The following ADAMTS2 variants were observed in gnomAD, a reference collection of about 807,000 sequenced individuals.
ADAMTS2 encodes A disintegrin and metalloproteinase with thrombospondin motifs 2.
A neutral mutation model predicts 123.0 loss-of-function variants in ADAMTS2; 50 were observed. The observed-to-expected ratio is 0.41, with a 90% CI of 0.32 to 0.51. ADAMTS2 has a LOEUF of 0.51. ADAMTS2 is among the 20% of genes least tolerant of loss of function. The probability of loss-of-function intolerance (pLI) is 0.35; values close to 1 mark genes in which losing one functional copy is unlikely to be tolerated. For synonymous variants in ADAMTS2, 678 were observed against 695.4 expected (o/e 0.98, Z 0.39); for missense variants, 1,494 against 1,705.2 (o/e 0.88, Z 2.18).
intron 6 of ADAMTS2, among the ~76,000 whole-genome samples, chr5:179,157,825 G>T (rs114046978): frequency 5.3e-5 from 8 of 152,218 alleles, no homozygotes; most frequent in Admixed American, 2.0e-4. Flanking sequence ...ATTTGTAGGC[G>T]TTCTTCACAT....
chr5:179,331,610 G>A (rs566155226), intron 2 of ADAMTS2, among the ~76,000 whole-genome samples: 101 of 128,146 alleles, frequency 7.9e-4, no homozygotes, highest in African/African-American at 2.8e-3. Flanking sequence ...GGGAGAGGAG[G>A]GGGAAGGGAG....
At chr5:179,166,761 T>G (rs766892705) in intron 5 of ADAMTS2, among the ~76,000 whole-genome samples, 2 of 152,162 alleles carry the variant, frequency 1.3e-5, no homozygotes, top group African/African-American at 4.8e-5. Flanking sequence ...TCTGAGTCAC[T>G]AAAGCCTAAG....
rs561373018 is a variant in ADAMTS2, at chr5:179,168,886, G to A, written c.976-10007C>T. Among the ~76,000 whole-genome samples the A allele has an allele frequency of 7.2e-5, 11 of 152,314 alleles. No homozygotes were observed. The South Asian group carries it at 2.1e-3, about 29-fold the overall frequency. Reference sequence around the variant, plus strand: ...AGAACCACGAGAGCTGGGGCAGGAGGCGTGCACCTCATTTCTCTGCCAGAA... The same window carrying A: ...AGAACCACGAGAGCTGGGGCAGGAGACGTGCACCTCATTTCTCTGCCAGAA... On this transcript the variant is annotated intron_variant, in intron 5 of 21. Transcript: ENST00000251582.
chr5:179,132,136 C>G lies in ADAMTS2; in HGVS notation c.2290+94G>C, dbSNP rs1762974310. On this transcript the variant is annotated intron_variant, in intron 15 of 21. Transcript: ENST00000251582. This position sits in a 1 kb window ranked among gnomAD's most constrained non-coding sequence, Gnocchi z 6.1. ...CTGGCTCAGGTCATGGCTGCACAACCCGGGCCCCTGACCCCTGACCCCTGG... is the reference window on the plus strand; with the variant it reads ...CTGGCTCAGGTCATGGCTGCACAACGCGGGCCCCTGACCCCTGACCCCTGG... 1 of 1,272,180 alleles carries G rather than the reference C, an allele frequency of 7.9e-7. No individual in the cohort carries two copies. Among genetic ancestry groups the G allele is most frequent in the Admixed American group, 1.9e-5 (1 of 53,560 alleles). 78.8% of individuals were successfully genotyped at this position (1,272,180 alleles called of 1,614,324 possible).
At chr5:179,184,509 T>TCAAAAAAAAAAAAAAAAAA (rs1290290563) in intron 4 of ADAMTS2, among the ~76,000 whole-genome samples, 3 of 91,412 alleles carry the variant, frequency 3.3e-5, no homozygotes, top group Admixed American at 1.3e-4. Flanking sequence ...AGACTCTGTC[T>TCAAAAAAAAAAAAAAAAAA]AAAAAAAAAA....
chr5:179,122,040 C>T (rs1414148037), intron 20 of ADAMTS2, among the ~76,000 whole-genome samples: 1 of 152,140 alleles, frequency 6.6e-6, no homozygotes, highest in Non-Finnish European at 1.5e-5. Context: ...GCACCCTGCC[C>T]GCGCCCCGGG....
In ADAMTS2 at chr5:179,207,687, GAGGCTGTCC is replaced by G. The variant is rs778523767; in HGVS notation, c.708_716del (p.Asp237_Leu239del). On this transcript the variant is annotated inframe_deletion, in exon 4 of 22. Coordinates refer to ENST00000251582, the MANE Select transcript of ADAMTS2 (RefSeq NM_014244.5). Reference sequence around the variant, plus strand: ...CCTCTAGGACGCCCAGGGCGCGGCTGAGGCTGTCCAGGCTGTCCAGGGAGGCCCCTGCAA... The same window carrying G: ...CCTCTAGGACGCCCAGGGCGCGGCTGAGGCTGTCCAGGGAGGCCCCTGCAA... 39 of 1,612,544 alleles carry G rather than the reference GAGGCTGTCC, an allele frequency of 2.4e-5. No individual in the cohort carries two copies. The highest frequency in any genetic ancestry group is 6.7e-5 in the Admixed American group (4 of 59,998).
chr5:179,281,585 T>TA (rs1174237771), intron 2 of ADAMTS2, among the ~76,000 whole-genome samples: 1 of 152,260 alleles, frequency 6.6e-6, no homozygotes, highest in Non-Finnish European at 1.5e-5. Flanking sequence ...ATTTATCCAT[T>TA]TGCCGGTTGA....
intron 4 of ADAMTS2, among the ~76,000 whole-genome samples, chr5:179,190,984 G>A (rs148075504): frequency 5.9e-5 from 9 of 152,360 alleles, no homozygotes; most frequent in South Asian, 4.1e-4. Flanking sequence ...TGGCTGCGTC[G>A]CCTTTGGGGA....
rs575754960 is a variant in ADAMTS2, at chr5:179,197,303, C to T, written c.891+10210G>A. 6.6e-6 allele frequency among the ~76,000 whole-genome samples: 1 copy of T among 152,254 alleles called. No homozygotes were observed. The highest frequency in any genetic ancestry group is 1.9e-4 in the East Asian group (1 of 5,172). ...CTGATATTTAAGCAACACATTGAGG[C>T]CTTAGGCTTCTCGGGAAGAGTAGGA... On this transcript the variant is annotated intron_variant, in intron 4 of 21. Coordinates refer to ENST00000251582, the MANE Select transcript of ADAMTS2 (RefSeq NM_014244.5). This position sits in a 1 kb window ranked among gnomAD's most constrained non-coding sequence, Gnocchi z 4.2.
intron 3 of ADAMTS2, among the ~76,000 whole-genome samples, chr5:179,248,059 T>C (rs1262806364): frequency 6.6e-6 from 1 of 152,168 alleles, no homozygotes; most frequent in African/African-American, 2.4e-5. Flanking sequence ...TAGACACACA[T>C]GTATGAAATG....
intron 2 of ADAMTS2, among the ~76,000 whole-genome samples, chr5:179,328,561 A>G (rs924310831): frequency 3.3e-5 from 5 of 152,252 alleles, no homozygotes; most frequent in Non-Finnish European, 5.9e-5. Context: ...AGCTCTGCAC[A>G]TGCATGTATG....
intron 3 of ADAMTS2, among the ~76,000 whole-genome samples, chr5:179,247,865 A>G (rs886227338): frequency 1.3e-5 from 2 of 152,174 alleles, no homozygotes; most frequent in African/African-American, 4.8e-5. Context: ...CTGCCCTCCA[A>G]TAAGTGTTAA....
Position 179,128,944 on chromosome 5 carries a change from G to A in ADAMTS2, c.2458-826C>T, listed in dbSNP as rs1318006403. On this transcript the variant is annotated intron_variant, in intron 16 of 21. Coordinates refer to ENST00000251582, the MANE Select transcript of ADAMTS2 (RefSeq NM_014244.5). The surrounding 1 kb of genome is among the most constrained non-coding windows in gnomAD (Gnocchi z 4.9). Reference sequence around the variant, plus strand: ...AATGTGATGTATGTGACACTCAACAGACTGCAGAAAGAACCCCTGTTTGTG... The same window carrying A: ...AATGTGATGTATGTGACACTCAACAAACTGCAGAAAGAACCCCTGTTTGTG... Among the ~76,000 whole-genome samples, 2 of 152,156 alleles carry A rather than the reference G, an allele frequency of 1.3e-5. No homozygotes were observed. Among genetic ancestry groups the A allele is most frequent in the South Asian group, 2.1e-4 (1 of 4,834 alleles).
At chr5:179,149,986 G>C (rs1188201488) in intron 10 of ADAMTS2, among the ~76,000 whole-genome samples, 2 of 152,194 alleles carry the variant, frequency 1.3e-5, no homozygotes, top group Non-Finnish European at 1.5e-5. Context: ...TCTCTGTGAG[G>C]TGGGGACACT....
At position 179,262,177 on chromosome 5, in the gene ADAMTS2, C is replaced by T. The variant is rs559256278; in HGVS notation, c.688+10734G>A. Among the ~76,000 whole-genome samples, 1 of 152,194 alleles carries T rather than the reference C, an allele frequency of 6.6e-6. No homozygotes were observed. Among genetic ancestry groups the T allele is most frequent in the East Asian group, 1.9e-4 (1 of 5,172 alleles). ...GACTCCTGCACGTGGCCCAGACCAC[C>T]TAACCTGCCACCCCCACCAGCACAC... On this transcript the variant is annotated intron_variant, in intron 3 of 21. Coordinates refer to ENST00000251582, the MANE Select transcript of ADAMTS2 (RefSeq NM_014244.5). The surrounding 1 kb of genome is among the most constrained non-coding windows in gnomAD (Gnocchi z 5.9).
In ADAMTS2 at chr5:179,132,260, G is replaced by C; in HGVS notation, c.2260C>G (p.Gln754Glu). The change falls in exon 15 of 22, where the codon CAG (glutamine) becomes GAG (glutamate). Residue 754 changes from glutamine (Q) to glutamate (E), a missense_variant. Physicochemically the swap from Gln to Glu is conservative, Grantham distance 29. Transcript: ENST00000251582. The surrounding 1 kb of genome is among the most constrained non-coding windows in gnomAD (Gnocchi z 6.1). Reference sequence around the variant, plus strand: ...TGGTGGCTGGTGGCGTCTACCTCCTGAATGAGCAGGTGTCTGGCTCCTGCA... The same window carrying C: ...TGGTGGCTGGTGGCGTCTACCTCCTCAATGAGCAGGTGTCTGGCTCCTGCA... ...IPAGARHLLI[Q>E]EVDATSHHLA... The C allele has an allele frequency of 6.2e-7, 1 of 1,614,174 alleles. No individual in the cohort carries two copies. The highest frequency in any genetic ancestry group is 8.5e-7 in the Non-Finnish European group (1 of 1,180,038).
In ADAMTS2 at chr5:179,228,466, G is replaced by T. The variant is rs1230151443; in HGVS notation, c.689-20751C>A. ...ACTTGCCCCAGCCTGAAGACCTCCGGGGCCCTGGCTCCTCCCTGCTCCACC... is the reference window on the plus strand; with the variant it reads ...ACTTGCCCCAGCCTGAAGACCTCCGTGGCCCTGGCTCCTCCCTGCTCCACC... On this transcript the variant is annotated intron_variant, in intron 3 of 21. Coordinates refer to ENST00000251582, the MANE Select transcript of ADAMTS2 (RefSeq NM_014244.5). The surrounding 1 kb of genome is among the most constrained non-coding windows in gnomAD (Gnocchi z 5.2). Among the ~76,000 whole-genome samples, 1 of 152,182 alleles carries T rather than the reference G, an allele frequency of 6.6e-6. No individual in the cohort carries two copies. The highest frequency in any genetic ancestry group is 2.4e-5 in the African/African-American group (1 of 41,456).
At position 179,285,513 on chromosome 5, in the gene ADAMTS2, C is replaced by T. The variant is rs1755995175; in HGVS notation, c.535-12449G>A. On this transcript the variant is annotated intron_variant, in intron 2 of 21. Coordinates refer to ENST00000251582, the MANE Select transcript of ADAMTS2 (RefSeq NM_014244.5). This position sits in a 1 kb window ranked among gnomAD's most constrained non-coding sequence, Gnocchi z 4.9. ...CCATGGCTCCTGCACACACCAATGCCGGGGTAGCCTCCAGGAAACAGAGCT... is the reference window on the plus strand; with the variant it reads ...CCATGGCTCCTGCACACACCAATGCTGGGGTAGCCTCCAGGAAACAGAGCT... Among the ~76,000 whole-genome samples, 1 of 152,168 alleles carries T rather than the reference C, an allele frequency of 6.6e-6. No individual in the cohort carries two copies. Among genetic ancestry groups the T allele is most frequent in the African/African-American group, 2.4e-5 (1 of 41,436 alleles).
Sources: allele counts gnomAD v4.1 joint callset (sites outside exome capture counted in the v4.1 genomes callset), GRCh38; gene constraint gnomAD v4.1.1; non-coding constraint Gnocchi (gnomAD v3.1); transcripts MANE v1.5; gene names NCBI Gene and HGNC (gene_info 2026-07-23, HGNC 2026-07-21).